MEX3A: variants seen among roughly 807,000 people sequenced by gnomAD.
MEX3A encodes the protein RNA-binding protein MEX3A.
MEX3A carries 4 observed loss-of-function variants against 30.0 expected under a neutral mutation model. The observed-to-expected ratio is 0.13, with a 90% confidence interval of 0.07 to 0.30. The LOEUF is 0.30. Among genes scored for constraint, MEX3A ranks in the 10% least tolerant of loss-of-function variants. The probability of loss-of-function intolerance (pLI) is 1.00; values close to 1 mark genes in which losing one functional copy is unlikely to be tolerated. For missense variants in MEX3A, 555 were observed against 736.7 expected (o/e 0.75, Z 2.86); for synonymous variants, 335 against 327.6 (o/e 1.02, Z -0.24).
rs1172113637 is a variant in MEX3A at position 156,074,940 on chromosome 1, C to T, written c.*1634G>A. ...ATGGGACTCTGGAGCTTTAAGTGCT[C>T]GGGTGATCACTCAGAACAGTCCCAC... is the stretch of plus-strand genomic sequence containing the variant. On this transcript the variant is annotated 3_prime_UTR_variant, in exon 2 of 2. Coordinates refer to ENST00000532414, the MANE Select transcript of MEX3A (RefSeq NM_001093725.2). 2.0e-5 allele frequency: 3 copies of T among 152,842 alleles called. No individual in the cohort carries two copies. The highest frequency in any genetic ancestry group is 1.9e-4 in the East Asian group (1 of 5,324). The allele number at this position is 152,842 out of a possible 1,614,324, so 9.5% of individuals were successfully genotyped here. A position where few individuals can be genotyped will look rare whatever the true frequency, so the allele number is the denominator to read the frequency against.
chr1:156,073,531 A>G lies in MEX3A; in HGVS notation c.*3043T>C, dbSNP rs926993601. On this transcript the variant is annotated 3_prime_UTR_variant, in exon 2 of 2. Coordinates refer to ENST00000532414, the MANE Select transcript of MEX3A (RefSeq NM_001093725.2). Reference sequence around the variant, plus strand: ...TATCTTTTCCTTACAACTTTTATACATTCTACTGGACCCAGGGGCCCTCAA... The same window carrying G: ...TATCTTTTCCTTACAACTTTTATACGTTCTACTGGACCCAGGGGCCCTCAA... 1.3e-5 allele frequency: 2 copies of G among 152,616 alleles called. No homozygotes were observed. The highest frequency in any genetic ancestry group is 2.9e-5 in the Non-Finnish European group (2 of 68,032). The allele number at this position is 152,616 out of a possible 1,614,324, so 9.5% of individuals were successfully genotyped here.
In MEX3A at chr1:156,077,115, C is replaced by T. The variant is rs376866433; in HGVS notation, c.1022G>A (p.Cys341Tyr). 9 of 1,613,716 alleles carry T rather than the reference C, an allele frequency of 5.6e-6. No homozygotes were observed. Among genetic ancestry groups the T allele is most frequent in the Non-Finnish European group, 7.6e-6 (9 of 1,179,842 alleles). ...LSTFRQNSLG[C>Y]IGECGVDSGF... ...AGAGTCCACTCCGCACTCGCCGATG[C>T]AGCCCAGGCTGTTCTGCCGGAAGGT... The change falls in exon 2 of 2, where the codon TGC (cysteine) becomes TAC (tyrosine). Residue 341 changes from cysteine to tyrosine, a missense_variant. Coordinates refer to ENST00000532414, the MANE Select transcript of MEX3A (RefSeq NM_001093725.2). This position sits in a 1 kb window ranked among gnomAD's most constrained non-coding sequence, Gnocchi z 8.3.
rs754980471 is a variant in MEX3A at position 156,077,324 on chromosome 1, C to T, written c.813G>A (p.Thr271=). ...CACGCTCCACGTTGCCTGGGGCACCCGTGATCTCGAACACGGGGTCGCGGT... is the reference window on the plus strand; with the variant it reads ...CACGCTCCACGTTGCCTGGGGCACCTGTGATCTCGAACACGGGGTCGCGGT... ...SRDRDPVFEI[T]GAPGNVERAR... Residue 271 remains threonine (T), a synonymous_variant, in exon 2 of 2, where the codon ACG becomes ACA. Transcript: ENST00000532414. This position sits in a 1 kb window ranked among gnomAD's most constrained non-coding sequence, Gnocchi z 8.3. 1 of 1,613,912 alleles carries T rather than the reference C, an allele frequency of 6.2e-7. No homozygotes were observed. The highest frequency in any genetic ancestry group is 8.5e-7 in the Non-Finnish European group (1 of 1,179,848).
At position 156,081,960 on chromosome 1, in the gene MEX3A, A is replaced by G; in HGVS notation, c.39T>C (p.Asn13=). The change falls in exon 1 of 2, where the codon AAT becomes AAC. Residue 13 remains asparagine, a synonymous_variant. Coordinates refer to ENST00000532414, the MANE Select transcript of MEX3A (RefSeq NM_001093725.2). The part of the protein sequence containing the change: ...SLVVSGIMER[N]GGFGELGCFG... The stretch of plus-strand genomic sequence containing the variant: ...AACATCCTAGTTCTCCAAAGCCCCC[A>G]TTTCTTTCCATTATTCCAGATACCA... 2.0e-6 allele frequency: 3 copies of G among 1,535,274 alleles called. No individual in the cohort carries two copies. The highest frequency in any genetic ancestry group is 2.6e-6 in the Non-Finnish European group (3 of 1,139,366).
rs1647965467 is a variant in MEX3A, at chr1:156,073,179, G to C, written c.*3395C>G. The C allele has an allele frequency of 6.5e-6, 1 of 152,846 alleles. No homozygotes were observed. The highest frequency in any genetic ancestry group is 1.5e-5 in the Non-Finnish European group (1 of 68,082). The allele number at this position is 152,846 out of a possible 1,614,324, so 9.5% of individuals were successfully genotyped here. A position where few individuals can be genotyped will look rare whatever the true frequency, so the allele number is the denominator to read the frequency against. ...TTAGGCCTGGGGGAAGCAGGCATGG[G>C]AGGGTTTGAGCTGGGAGCCCCAGGA... is the stretch of plus-strand genomic sequence containing the variant. On this transcript the variant is annotated 3_prime_UTR_variant, in exon 2 of 2. Transcript: ENST00000532414.
chr1:156,078,785 CAT>C (rs937860065), intron 1 of MEX3A, among the ~76,000 whole-genome samples: 37 of 152,138 alleles, frequency 2.4e-4, no homozygotes, highest in African/African-American at 8.9e-4. Flanking sequence ...AGTTCACACA[CAT>C]GTACCTAAGA....
chr1:156,078,657 G>C (rs923174573), intron 1 of MEX3A, among the ~76,000 whole-genome samples: 1 of 152,086 alleles, frequency 6.6e-6, no homozygotes, highest in Non-Finnish European at 1.5e-5. Context: ...AAAAGCTGCC[G>C]ACCTGGGGGT....
At chr1:156,080,281 G>A (rs1648180889) in intron 1 of MEX3A, among the ~76,000 whole-genome samples, 1 of 152,156 alleles carries the variant, frequency 6.6e-6, no homozygotes, top group Admixed American at 6.5e-5. Flanking sequence ...GCCCCAGGGG[G>A]ATGAGGGCTG....
At chr1:156,078,252 G>A (rs537636611) in intron 1 of MEX3A, among the ~76,000 whole-genome samples, 1 of 152,002 alleles carries the variant, frequency 6.6e-6, no homozygotes, top group Admixed American at 6.6e-5. Flanking sequence ...CTCTATGACC[G>A]CCCCACATGC....
In MEX3A at chr1:156,081,768, CGGGG is replaced by C; in HGVS notation, c.227_230del (p.Pro76ArgfsTer50). ...CGGGCGGCGGCGGCGGGGCCGGCTG[CGGGG>C]GGGCGGCCGGCTGCGCGGGGGCGCC... On this transcript the variant is annotated frameshift_variant, in exon 1 of 2. Coordinates refer to ENST00000532414, the MANE Select transcript of MEX3A (RefSeq NM_001093725.2). LOFTEE classifies it high-confidence loss of function. 3 of 792,720 alleles carry C rather than the reference CGGGG, an allele frequency of 3.8e-6. No individual in the cohort carries two copies. The highest frequency in any genetic ancestry group is 4.6e-6 in the Non-Finnish European group (3 of 654,248). The allele number at this position is 792,720 out of a possible 1,614,324, so 49.1% of individuals were successfully genotyped here.
rs902268411 is a variant in MEX3A at position 156,075,559 on chromosome 1, C to T, written c.*1015G>A. The T allele has an allele frequency of 6.5e-6, 1 of 152,726 alleles. No homozygotes were observed. The highest frequency in any genetic ancestry group is 2.4e-5 in the African/African-American group (1 of 41,410). The allele number at this position is 152,726 out of a possible 1,614,324, so 9.5% of individuals were successfully genotyped here. A position where few individuals can be genotyped will look rare whatever the true frequency, so the allele number is the denominator to read the frequency against. On this transcript the variant is annotated 3_prime_UTR_variant, in exon 2 of 2. Transcript: ENST00000532414. ...TTTCACTGAGAATGGGGATACATTC[C>T]ATCAATAATTTGAGATGTTTCTTTG...
rs868250649 is a variant in MEX3A, at chr1:156,075,088, G to A, written c.*1486C>T. 2.0e-4 allele frequency: 30 copies of A among 152,374 alleles called. No homozygotes were observed. Among genetic ancestry groups the A allele is most frequent in the Non-Finnish European group, 3.2e-4 (22 of 68,090 alleles). The allele number at this position is 152,374 out of a possible 1,614,324, so 9.4% of individuals were successfully genotyped here. ...AATGAGCAGGAGGGAAGCAGCAAAG[G>A]GGGTGCAAGGCCTGTAACAATATGT... is the stretch of plus-strand genomic sequence containing the variant. On this transcript the variant is annotated 3_prime_UTR_variant, in exon 2 of 2. Coordinates refer to ENST00000532414, the MANE Select transcript of MEX3A (RefSeq NM_001093725.2).
At position 156,074,817 on chromosome 1, in the gene MEX3A, G is replaced by GA. The variant is rs1258813097; in HGVS notation, c.*1756_*1757insT. 2 of 152,760 alleles carry GA rather than the reference G, an allele frequency of 1.3e-5. No individual in the cohort carries two copies. Among genetic ancestry groups the GA allele is most frequent in the Admixed American group, 1.3e-4 (2 of 15,278 alleles). 9.5% of individuals were successfully genotyped at this position (152,760 alleles called of 1,614,324 possible). On this transcript the variant is annotated 3_prime_UTR_variant, in exon 2 of 2. Coordinates refer to ENST00000532414, the MANE Select transcript of MEX3A (RefSeq NM_001093725.2). The stretch of plus-strand genomic sequence containing the variant: ...CCTTCCCCACCCCTCCCTGGCTGGT[G>GA]TTCTGGAGGGGAAGGCTGTGGAGAG...
At position 156,074,287 on chromosome 1, in the gene MEX3A, A is replaced by T. The variant is rs912412489; in HGVS notation, c.*2287T>A. Reference sequence around the variant, plus strand: ...TATCATAAAATAAAATATCCTTTTCATATAATAAATTACCTAATAAAAAGT... The same window carrying T: ...TATCATAAAATAAAATATCCTTTTCTTATAATAAATTACCTAATAAAAAGT... On this transcript the variant is annotated 3_prime_UTR_variant, in exon 2 of 2. Coordinates refer to ENST00000532414, the MANE Select transcript of MEX3A (RefSeq NM_001093725.2). 1 of 151,788 alleles carries T rather than the reference A, an allele frequency of 6.6e-6. No homozygotes were observed. Among genetic ancestry groups the T allele is most frequent in the Admixed American group, 6.6e-5 (1 of 15,226 alleles). 9.4% of individuals were successfully genotyped at this position (151,788 alleles called of 1,614,324 possible).
Position 156,075,452 on chromosome 1 carries a change from G to T in MEX3A, c.*1122C>A, listed in dbSNP as rs1648030814. The T allele has an allele frequency of 6.5e-6, 1 of 152,684 alleles. No individual in the cohort carries two copies. Among genetic ancestry groups the T allele is most frequent in the Admixed American group, 6.6e-5 (1 of 15,266 alleles). The allele number at this position is 152,684 out of a possible 1,614,324, so 9.5% of individuals were successfully genotyped here. A position where few individuals can be genotyped will look rare whatever the true frequency, so the allele number is the denominator to read the frequency against. ...TCCACAACCAGAAAATCCAGCCCAA[G>T]AACTACTCCCTAAATATAATGCCCA... On this transcript the variant is annotated 3_prime_UTR_variant, in exon 2 of 2. Transcript: ENST00000532414.
intron 1 of MEX3A, among the ~76,000 whole-genome samples, chr1:156,079,532 A>G (rs2102777827): frequency 6.6e-6 from 1 of 152,286 alleles, no homozygotes; most frequent in South Asian, 2.1e-4. Flanking sequence ...CCTCACTTTT[A>G]AAAGACCTTA....
chr1:156,077,456 A>G lies in MEX3A; in HGVS notation c.681T>C (p.Arg227=). Residue 227 remains arginine, a synonymous_variant, in exon 2 of 2, where the codon CGT becomes CGC. Coordinates refer to ENST00000532414, the MANE Select transcript of MEX3A (RefSeq NM_001093725.2). This position sits in a 1 kb window ranked among gnomAD's most constrained non-coding sequence, Gnocchi z 8.3. ...CCACCACGCGGTAGGGCACCCGCAC[A>G]CGGATGGTCACCTGGCCGGGCAGAG... ...APALPGQVTI[R]VRVPYRVVGL... is the part of the protein sequence containing the mutation. 6.2e-7 allele frequency: 1 copy of G among 1,613,570 alleles called. No homozygotes were observed. Among genetic ancestry groups the G allele is most frequent in the Non-Finnish European group, 8.5e-7 (1 of 1,179,714 alleles).
At position 156,076,802 on chromosome 1, in the gene MEX3A, C is replaced by CG. The variant is rs781091579; in HGVS notation, c.1334dup (p.Glu447ArgfsTer8). 1.9e-6 allele frequency: 3 copies of CG among 1,560,860 alleles called. No individual in the cohort carries two copies. Among genetic ancestry groups the CG allele is most frequent in the Non-Finnish European group, 8.7e-7 (1 of 1,152,782 alleles). On this transcript the variant is annotated frameshift_variant, in exon 2 of 2. Coordinates refer to ENST00000532414, the MANE Select transcript of MEX3A (RefSeq NM_001093725.2). LOFTEE classifies it high-confidence loss of function. The surrounding 1 kb of genome is among the most constrained non-coding windows in gnomAD (Gnocchi z 6.0). ...TAGAGAAGCCCTGGAGCGGCTCTCC[C>CG]GGGGGGCGCCTCGGGAGTCCGGCCA...
chr1:156,081,786 C>T lies in MEX3A; in HGVS notation c.213G>A (p.Ala71=). 1.0e-6 allele frequency: 1 copy of T among 978,660 alleles called. No individual in the cohort carries two copies. The highest frequency in any genetic ancestry group is 4.4e-4 in the Middle Eastern group (1 of 2,256). 60.6% of individuals were successfully genotyped at this position (978,660 alleles called of 1,614,324 possible). ...CCGGCTGCGGGGGGGCGGCCGGCTG[C>T]GCGGGGGCGCCGCCCCCCCCACCTC... The part of the protein sequence containing the change: ...DGGGGGGGAP[A]QPAAPPQPAP... Residue 71 remains alanine (A), a synonymous_variant, in exon 1 of 2, where the codon GCG becomes GCA. Transcript: ENST00000532414.
Sources: allele counts gnomAD v4.1 joint callset (sites outside exome capture counted in the v4.1 genomes callset), GRCh38; gene constraint gnomAD v4.1.1; non-coding constraint Gnocchi (gnomAD v3.1); transcripts MANE v1.5; gene names NCBI Gene and HGNC (gene_info 2026-07-23, HGNC 2026-07-21).